Variants in ANKRD13A observed in about 807,000 individuals in gnomAD.
ANKRD13A encodes ankyrin repeat domain 13A, also known as ankyrin repeat domain-containing protein 13A.
ANKRD13A carries 48 observed loss-of-function variants against 81.3 expected under a neutral mutation model. That is an observed-to-expected ratio of 0.59 (90% CI 0.47 to 0.75). The LOEUF (loss-of-function observed/expected upper bound fraction) is 0.75. Ranked by LOEUF, ANKRD13A falls within the 30% of genes least tolerant of loss-of-function variation. The pLI, the probability that ANKRD13A is intolerant of heterozygous loss-of-function variation, is 0.00. For missense variants in ANKRD13A, 612 were observed against 734.0 expected, an observed-to-expected ratio of 0.83 and a Z score of 1.92; for synonymous variants, 230 against 270.1, an observed-to-expected ratio of 0.85 and a Z score of 1.45.
chr12:110,034,903 C>T (rs147330673), intron 13 of ANKRD13A, among the ~76,000 whole-genome samples: 1,724 of 152,356 alleles, frequency 0.011, 10 homozygotes, highest in South Asian at 0.019. Context: ...GGGAAGCAGC[C>T]CCTGCCCTCA....
intron 1 of ANKRD13A, among the ~76,000 whole-genome samples, chr12:110,010,544 T>C (rs919283038): frequency 6.6e-6 from 1 of 152,210 alleles, no homozygotes; most frequent in Non-Finnish European, 1.5e-5. Flanking sequence ...TCCATCTCTT[T>C]GGTGCGATGG....
At chr12:110,016,285 T>C (rs1890800224) in intron 3 of ANKRD13A, 103 bp from the exon 4 acceptor site, 1 of 865,536 alleles carries the variant, frequency 1.2e-6, no homozygotes, top group Non-Finnish European at 1.7e-6. Flanking sequence ...TTTCTCTTTT[T>C]TTTTTTTTTA....
intron 14 of ANKRD13A, among the ~76,000 whole-genome samples, chr12:110,037,089 G>A (rs764986602): frequency 1.3e-4 from 20 of 152,222 alleles, no homozygotes; most frequent in Non-Finnish European, 2.8e-4. Context: ...ATGAGAGCCT[G>A]TTGATGAAGA....
intron 1 of ANKRD13A, among the ~76,000 whole-genome samples, chr12:110,009,544 G>A (rs1272835539): frequency 1.3e-5 from 2 of 152,102 alleles, no homozygotes; most frequent in Non-Finnish European, 2.9e-5. Flanking sequence ...TTTTGGTTTT[G>A]TTGATTTTCT....
intron 5 of ANKRD13A, 45 bp from the exon 6 acceptor site, chr12:110,019,094 T>A: frequency 6.6e-7 from 1 of 1,517,904 alleles, no homozygotes; most frequent in Non-Finnish European, 8.8e-7. Flanking sequence ...TGTTTTTGCA[T>A]CTTCCCTACT....
chr12:110,023,987 A>C, intron 6 of ANKRD13A, 59 bp from the exon 7 acceptor site: 1 of 1,514,166 alleles, frequency 6.6e-7, no homozygotes, highest in East Asian at 2.3e-5. Flanking sequence ...AAGGCTACAG[A>C]TATAAATCTG....
chr12:110,007,732 GT>G (rs1164229653), intron 1 of ANKRD13A, among the ~76,000 whole-genome samples: 5 of 152,000 alleles, frequency 3.3e-5, no homozygotes, highest in African/African-American at 1.2e-4. Flanking sequence ...GAGTATGTAA[GT>G]TTTATATTTA....
At chr12:110,030,815 C>G in intron 12 of ANKRD13A, 57 bp downstream of exon 12, 1 of 1,208,572 alleles carries the variant, frequency 8.3e-7, no homozygotes, top group South Asian at 1.4e-5. Flanking sequence ...AAATTTATGG[C>G]CGGACGTGGT....
intron 1 of ANKRD13A, among the ~76,000 whole-genome samples, chr12:110,004,625 C>CT (rs1266014357): frequency 3.3e-5 from 5 of 152,164 alleles, no homozygotes; most frequent in Non-Finnish European, 7.3e-5. Context: ...GAGGGAGACT[C>CT]TGTCTCAAAA....
chr12:110,000,860 C>T (rs1566042215), intron 1 of ANKRD13A, among the ~76,000 whole-genome samples: 1 of 149,608 alleles, frequency 6.7e-6, no homozygotes. Flanking sequence ...TGGGTTCAAG[C>T]GATTCTTCTG....
chr12:110,037,456 G>C lies in ANKRD13A; in HGVS notation c.1675G>C (p.Glu559Gln). The change falls in exon 15 of 15, where the codon GAG becomes CAG. Residue 559 changes from glutamate (E) to glutamine (Q), a missense_variant. Transcript: ENST00000261739. ...TGATAATGACTTGCAGCTAGCCATGGAGCTCTCTGCCAAAGAGCTGGAGGA... is the reference window on the plus strand; with the variant it reads ...TGATAATGACTTGCAGCTAGCCATGCAGCTCTCTGCCAAAGAGCTGGAGGA... ...RFDNDLQLAM[E>Q]LSAKELEEWE... The C allele has an allele frequency of 6.2e-7, 1 of 1,614,206 alleles. No individual in the cohort carries two copies. The highest frequency in any genetic ancestry group is 8.5e-7 in the Non-Finnish European group (1 of 1,180,034).
intron 9 of ANKRD13A, chr12:110,028,253 C>CT: frequency 5.1e-6 from 2 of 392,002 alleles, no homozygotes; most frequent in Non-Finnish European, 9.1e-6. Context: ...ATATTTCTTT[C>CT]TTTTTTTCTT....
chr12:110,028,481 T>G, intron 9 of ANKRD13A, 31 bp from the exon 10 acceptor site: 2 of 1,612,676 alleles, frequency 1.2e-6, no homozygotes, highest in Non-Finnish European at 1.7e-6. Flanking sequence ...TCATTTGGCA[T>G]TTCTGACTCT....
chr12:110,038,250 C>G lies in ANKRD13A; in HGVS notation c.*696C>G, dbSNP rs1439144485. 6.6e-6 allele frequency: 1 copy of G among 152,598 alleles called. No individual in the cohort carries two copies. The highest frequency in any genetic ancestry group is 1.5e-5 in the Non-Finnish European group (1 of 68,018). 9.5% of individuals were successfully genotyped at this position (152,598 alleles called of 1,614,324 possible). A position where few individuals can be genotyped will look rare whatever the true frequency, so the allele number is the denominator to read the frequency against. The stretch of plus-strand genomic sequence containing the variant: ...AACATTACTAATAGTTTCACATCAC[C>G]TCACTGCACGCATCGAAGGATCTGA... On this transcript the variant is annotated 3_prime_UTR_variant, in exon 15 of 15. Transcript: ENST00000261739.
chr12:110,011,959 TA>T, intron 1 of ANKRD13A, 45 bp from the exon 2 acceptor site: 1 of 1,551,226 alleles, frequency 6.4e-7, no homozygotes, highest in Non-Finnish European at 8.8e-7. Flanking sequence ...TTCCCTATTT[TA>T]ATGTAATACA....
rs1284903979 is a variant in ANKRD13A, at chr12:110,038,425, C to A, written c.*871C>A. ...GCCAAAATATTGGAACACACAGAAC[C>A]AAACCAGGTGTGTTCTACACCTGCA... On this transcript the variant is annotated 3_prime_UTR_variant, in exon 15 of 15. Transcript: ENST00000261739. 6.6e-6 allele frequency: 1 copy of A among 152,564 alleles called. No homozygotes were observed. Among genetic ancestry groups the A allele is most frequent in the Non-Finnish European group, 1.5e-5 (1 of 68,044 alleles). The allele number at this position is 152,564 out of a possible 1,614,324, so 9.5% of individuals were successfully genotyped here.
At chr12:110,029,419 A>T in intron 10 of ANKRD13A, 59 bp from the exon 11 acceptor site, 1 of 1,573,368 alleles carries the variant, frequency 6.4e-7, no homozygotes, top group Non-Finnish European at 8.7e-7. Context: ...GCATAGCAAT[A>T]ATCTCCTTTT....
chr12:110,019,151 A>G lies in ANKRD13A; in HGVS notation c.557A>G (p.Glu186Gly), dbSNP rs373926911. ...FIFKGEDNWA[E>G]LMEVNHDDKV... ...TTTCCATTAATAGACAACTGGGCGG[A>G]GTTAATGGAAGTCAACCATGATGAC... is the stretch of plus-strand genomic sequence containing the variant. Residue 186 changes from glutamate (E) to glycine (G), a missense_variant, in exon 6 of 15, where the codon GAG becomes GGG. Transcript: ENST00000261739. 5 of 1,599,770 alleles carry G rather than the reference A, an allele frequency of 3.1e-6. No homozygotes were observed. In the Admixed American group the frequency reaches 8.7e-5, roughly 28 times the overall value.
chr12:110,013,943 CACTT>C (rs1727015535), intron 3 of ANKRD13A, among the ~76,000 whole-genome samples: 1 of 152,130 alleles, frequency 6.6e-6, no homozygotes, highest in South Asian at 2.1e-4. Flanking sequence ...TGATAGGTAT[CACTT>C]ACTATGCAGG....
Sources: gnomAD v4.1 joint callset for allele counts (sites outside exome capture counted in the v4.1 genomes callset) on GRCh38, gnomAD v4.1.1 for gene constraint, MANE v1.5 for transcripts, NCBI Gene and HGNC (gene_info 2026-07-23, HGNC 2026-07-21) for gene names.